The following ITIH5 variants were observed in gnomAD, a reference collection of about 807,000 sequenced individuals.
ITIH5 encodes inter-alpha-trypsin inhibitor heavy chain H5.
Under a neutral mutation model 77.5 loss-of-function variants are expected in ITIH5, and 65 were observed. That is an observed-to-expected ratio of 0.84 (90% confidence interval 0.69 to 1.03). The LOEUF (loss-of-function observed/expected upper bound fraction) is 1.03, where lower values mean the gene tolerates loss of function less well. Ranked by LOEUF, ITIH5 falls within the 50% of genes least tolerant of loss-of-function variation. The pLI, the probability that ITIH5 is intolerant of heterozygous loss-of-function variation, is 0.00. For missense variants in ITIH5, 1,208 were observed against 1,213.1 expected, an observed-to-expected ratio of 1.00 and a Z score of 0.06; for synonymous variants, 525 against 494.3, an observed-to-expected ratio of 1.06 and a Z score of -0.82.
chr10:7,652,043 G>T (rs941690338), intron 2 of ITIH5, among the ~76,000 whole-genome samples: 1 of 152,186 alleles, frequency 6.6e-6, no homozygotes, highest in African/African-American at 2.4e-5. Context: ...GCAGTCAGGA[G>T]GTTAAATGAT....
intron 10 of ITIH5, among the ~76,000 whole-genome samples, chr10:7,575,081 A>C (rs1479796088): frequency 6.6e-6 from 1 of 152,210 alleles, no homozygotes; most frequent in Non-Finnish European, 1.5e-5. Flanking sequence ...GCTTTCTGAA[A>C]TAGCCATGTC....
chr10:7,630,814 T>A (rs1465027683), intron 5 of ITIH5, among the ~76,000 whole-genome samples: 1 of 152,132 alleles, frequency 6.6e-6, no homozygotes, highest in East Asian at 1.9e-4. Flanking sequence ...TGATACTCTA[T>A]CTCTTTCTTT....
chr10:7,629,621 G>T (rs11816258), intron 5 of ITIH5, among the ~76,000 whole-genome samples: 1 of 132,020 alleles, frequency 7.6e-6, no homozygotes, highest in East Asian at 2.1e-4. Flanking sequence ...ATGTTGCAGC[G>T]TGTGTCTGTG....
chr10:7,660,937 G>A (rs1456217540), intron 1 of ITIH5, among the ~76,000 whole-genome samples: 1 of 152,246 alleles, frequency 6.6e-6, no homozygotes, highest in African/African-American at 2.4e-5. Flanking sequence ...GGCGTGGACA[G>A]GTACAGGTTG....
chr10:7,574,400 G>C (rs1307916386), intron 10 of ITIH5, among the ~76,000 whole-genome samples: 1 of 152,144 alleles, frequency 6.6e-6, no homozygotes, highest in Non-Finnish European at 1.5e-5. Flanking sequence ...TGACTGATTT[G>C]AGGAGTGGCA....
chr10:7,644,547 T>TCA (rs1564277485), intron 2 of ITIH5, among the ~76,000 whole-genome samples: 14 of 113,032 alleles, frequency 1.2e-4, no homozygotes, highest in East Asian at 2.7e-4. Flanking sequence ...CACATATATA[T>TCA]GATATATCAC....
intron 5 of ITIH5, chr10:7,620,722 G>A (rs1327583180): frequency 3.3e-5 from 5 of 151,618 alleles, no homozygotes; most frequent in Non-Finnish European, 7.4e-5. Context: ...GAATGTGCAT[G>A]GGCATTTATT....
chr10:7,588,731 G>A (rs984719672), intron 7 of ITIH5, among the ~76,000 whole-genome samples: 7 of 152,216 alleles, frequency 4.6e-5, no homozygotes, highest in Non-Finnish European at 7.3e-5. Flanking sequence ...CGACGCTGAC[G>A]ATATTAACAG....
chr10:7,653,301 G>C (rs1336021152), intron 2 of ITIH5, among the ~76,000 whole-genome samples: 3 of 152,090 alleles, frequency 2.0e-5, no homozygotes, highest in Non-Finnish European at 1.5e-5. Flanking sequence ...ATGCCTCCTG[G>C]GTTCAAGCAA....
rs1053662013 is a variant in ITIH5, at chr10:7,576,772, C to T, written c.1659G>A (p.Gly553=). Residue 553 remains glycine, a synonymous_variant, in exon 10 of 14, where the codon GGG becomes GGA. Transcript: ENST00000397146. ...GCCTGGGGCTTCCTGTGACATCTTT[C>T]CCTGCCTTCTGAGGCCGCACAGGCA... The part of the protein sequence containing the change: ...TDVPVRPQKA[G]KDVTGSPRPG... The T allele has an allele frequency of 3.1e-6, 5 of 1,614,248 alleles. No individual in the cohort carries two copies. The highest frequency in any genetic ancestry group is 1.7e-5 in the Admixed American group (1 of 60,032).
At chr10:7,640,685 G>T in intron 4 of ITIH5, 69 bp downstream of exon 4, 1 of 932,728 alleles carries the variant, frequency 1.1e-6, no homozygotes, top group Non-Finnish European at 1.8e-6. Flanking sequence ...AAGAGGAGTA[G>T]GCAAAGGCAT....
At chr10:7,576,341 G>C in intron 10 of ITIH5, 112 bp downstream of exon 10, 1 of 969,118 alleles carries the variant, frequency 1.0e-6, no homozygotes, top group Non-Finnish European at 1.5e-6. Flanking sequence ...TTGTTTATAA[G>C]TATTATAGCA....
chr10:7,587,187 G>A (rs1013136644), intron 7 of ITIH5, among the ~76,000 whole-genome samples: 1 of 152,172 alleles, frequency 6.6e-6, no homozygotes, highest in Admixed American at 6.5e-5. Context: ...AAGTAATACA[G>A]GTGAGATCAG....
At chr10:7,653,364 G>A (rs575561411) in intron 2 of ITIH5, among the ~76,000 whole-genome samples, 7 of 152,102 alleles carry the variant, frequency 4.6e-5, no homozygotes, top group African/African-American at 7.2e-5. Flanking sequence ...ACACCACCAC[G>A]CTTGGCAAAT....
chr10:7,571,094 C>T (rs1230722342), intron 11 of ITIH5, among the ~76,000 whole-genome samples: 1 of 152,218 alleles, frequency 6.6e-6, no homozygotes, highest in East Asian at 1.9e-4. Context: ...ATCCCTGACA[C>T]GGGCCCTTGA....
intron 8 of ITIH5, 126 bp downstream of exon 8, chr10:7,585,775 C>G (rs1321729538): frequency 1.3e-6 from 1 of 762,482 alleles, no homozygotes; most frequent in Non-Finnish European, 2.1e-6. Context: ...CTCTCGCCTG[C>G]AGTCTCCCTT....
intron 2 of ITIH5, 55 bp from the exon 3 acceptor site, chr10:7,642,145 G>T: frequency 7.2e-7 from 1 of 1,387,168 alleles, no homozygotes; most frequent in South Asian, 1.4e-5. Context: ...CATTTTGGTG[G>T]TAGTGGAACA....
intron 7 of ITIH5, among the ~76,000 whole-genome samples, chr10:7,606,145 C>T (rs1430202313): frequency 6.6e-6 from 1 of 152,226 alleles, no homozygotes; most frequent in Non-Finnish European, 1.5e-5. Context: ...TGCTTATACA[C>T]TGCCGGTAGG....
intron 7 of ITIH5, among the ~76,000 whole-genome samples, chr10:7,594,217 T>A (rs1316985487): frequency 6.6e-6 from 1 of 151,828 alleles, no homozygotes; most frequent in Non-Finnish European, 1.5e-5. Flanking sequence ...CCGTTCAGAG[T>A]CCCTCCCAAT....
Sources: allele counts gnomAD v4.1 joint callset (sites outside exome capture counted in the v4.1 genomes callset), GRCh38; gene constraint gnomAD v4.1.1; transcripts MANE v1.5; gene names NCBI Gene and HGNC (gene_info 2026-07-23, HGNC 2026-07-21).